CCSER1: variants seen among roughly 807,000 people sequenced by gnomAD.
CCSER1 encodes the protein coiled-coil serine rich protein 1, also known as serine-rich coiled-coil domain-containing protein 1.
Under a neutral mutation model 82.0 loss-of-function variants are expected in CCSER1, and 41 were observed. That is an observed-to-expected ratio of 0.50 (90% CI 0.39 to 0.65). CCSER1 has a LOEUF of 0.65. CCSER1 is among the 30% of genes least tolerant of loss of function. The pLI is 0.00. For synonymous variants in CCSER1, 414 were observed against 383.9 expected, an observed-to-expected ratio of 1.08 and a Z score of -0.92; for missense variants, 1,119 against 1,064.2, an observed-to-expected ratio of 1.05 and a Z score of -0.72.
chr4:90,344,440 G>A (rs747133949), intron 3 of CCSER1, among the ~76,000 whole-genome samples: 3 of 151,464 alleles, frequency 2.0e-5, no homozygotes, highest in Non-Finnish European at 4.4e-5. Flanking sequence ...TTTTTTGACT[G>A]GTTTCTCAGT....
intron 9 of CCSER1, among the ~76,000 whole-genome samples, chr4:90,942,245 G>A (rs192169780): frequency 2.0e-5 from 3 of 152,006 alleles, no homozygotes; most frequent in Non-Finnish European, 4.4e-5. Flanking sequence ...GAGCCACTAC[G>A]CCCAGCTGGG....
At position 91,296,607 on chromosome 4, in the gene CCSER1, A is replaced by G. The variant is rs1390310317; in HGVS notation, c.2217+210613A>G. Among the ~76,000 whole-genome samples the G allele has an allele frequency of 2.0e-5, 3 of 148,870 alleles. No individual in the cohort carries two copies. In the South Asian group the frequency reaches 6.3e-4, roughly 31 times the overall value. On this transcript the variant is annotated intron_variant, in intron 10 of 10. Transcript: ENST00000509176. ...ATATAGTTATGTGTATAATAGTTGA[A>G]TATATAGGTATATATAGTTGTGTGT...
intron 8 of CCSER1, among the ~76,000 whole-genome samples, chr4:90,912,297 G>T (rs1389303701): frequency 6.6e-6 from 1 of 152,198 alleles, no homozygotes; most frequent in East Asian, 1.9e-4. Context: ...GAAACTTTCA[G>T]AGGAACGATC....
chr4:90,251,373 A>G (rs537733358), intron 1 of CCSER1, among the ~76,000 whole-genome samples: 1 of 152,012 alleles, frequency 6.6e-6, no homozygotes, highest in South Asian at 2.1e-4. Context: ...GGATTTTTCT[A>G]CACATCCTTA....
chr4:91,022,930 A>G (rs1740137009), intron 9 of CCSER1, among the ~76,000 whole-genome samples: 1 of 152,118 alleles, frequency 6.6e-6, no homozygotes. Context: ...AGATGAGTAG[A>G]TTGCAAAAAT....
At chr4:90,881,743 T>C (rs947913221) in intron 8 of CCSER1, among the ~76,000 whole-genome samples, 2 of 152,204 alleles carry the variant, frequency 1.3e-5, no homozygotes. Context: ...CAAGATCATA[T>C]TACTGCACTC....
intron 1 of CCSER1, among the ~76,000 whole-genome samples, chr4:90,301,798 T>G (rs555527286): frequency 7.2e-5 from 11 of 152,168 alleles, no homozygotes; most frequent in Admixed American, 5.9e-4. Context: ...ATATACAAGG[T>G]TTGCTAAGGG....
rs77517225 is a variant in CCSER1 at position 90,387,879 on chromosome 4, A to T, written c.1510-12157A>T. Among the ~76,000 whole-genome samples, 356 of 152,262 alleles carry T rather than the reference A, an allele frequency of 2.3e-3. 2 individuals are homozygous for T. The highest frequency in any genetic ancestry group is 8.3e-3 in the African/African-American group (344 of 41,550). On this transcript the variant is annotated intron_variant, in intron 3 of 10. Coordinates refer to ENST00000509176, the MANE Select transcript of CCSER1 (RefSeq NM_001145065.2). Reference sequence around the variant, plus strand: ...CCTCCATAATAAACCATAACCAAAAACATAGCTTTCAGCCAGTTCTGTGAG... The same window carrying T: ...CCTCCATAATAAACCATAACCAAAATCATAGCTTTCAGCCAGTTCTGTGAG...
At chr4:90,215,646 G>A (rs540190003) in intron 1 of CCSER1, among the ~76,000 whole-genome samples, 6 of 152,210 alleles carry the variant, frequency 3.9e-5, no homozygotes, top group Non-Finnish European at 8.8e-5. Context: ...CAGGGCACTA[G>A]TGATCAAATG....
At chr4:91,328,839 A>G (rs1478475522) in intron 10 of CCSER1, among the ~76,000 whole-genome samples, 2 of 152,116 alleles carry the variant, frequency 1.3e-5, no homozygotes, top group Non-Finnish European at 2.9e-5. Context: ...CAAGGATGGG[A>G]CCACGTAGAG....
intron 10 of CCSER1, among the ~76,000 whole-genome samples, chr4:91,434,381 G>T (rs192548879): frequency 2.0e-5 from 3 of 152,018 alleles, no homozygotes; most frequent in African/African-American, 4.8e-5. Flanking sequence ...AAAAGAACAC[G>T]TTCAAAGTTA....
intron 5 of CCSER1, among the ~76,000 whole-genome samples, chr4:90,586,622 C>A (rs1276172352): frequency 6.6e-6 from 1 of 152,124 alleles, no homozygotes; most frequent in Non-Finnish European, 1.5e-5. Context: ...TGAACTATAA[C>A]ATTTGAGATT....
chr4:90,278,043 G>A (rs545988086), intron 1 of CCSER1, among the ~76,000 whole-genome samples: 1 of 152,178 alleles, frequency 6.6e-6, no homozygotes, highest in South Asian at 2.1e-4. Context: ...CTTCTCAAGA[G>A]AAGACTTACA....
chr4:90,584,776 G>T (rs1560762432), intron 5 of CCSER1, among the ~76,000 whole-genome samples: 1 of 151,968 alleles, frequency 6.6e-6, no homozygotes, highest in Admixed American at 6.6e-5. Flanking sequence ...TATGAAGTAC[G>T]TATTTAACCA....
At chr4:91,020,110 C>T (rs1235434614) in intron 9 of CCSER1, among the ~76,000 whole-genome samples, 1 of 151,134 alleles carries the variant, frequency 6.6e-6, no homozygotes, top group Non-Finnish European at 1.5e-5. Flanking sequence ...TAAAAATAGC[C>T]AAGACAAAAA....
At chr4:91,006,457 C>A (rs1738516062) in intron 9 of CCSER1, among the ~76,000 whole-genome samples, 1 of 151,566 alleles carries the variant, frequency 6.6e-6, no homozygotes, top group Non-Finnish European at 1.5e-5. Context: ...TTGGCTCTCA[C>A]CTTTTCTATT....
intron 10 of CCSER1, among the ~76,000 whole-genome samples, chr4:91,493,910 T>C (rs1399330332): frequency 6.6e-6 from 1 of 151,824 alleles, no homozygotes; most frequent in Non-Finnish European, 1.5e-5. Flanking sequence ...AGTTCAATAT[T>C]ATTATATTAT....
intron 8 of CCSER1, among the ~76,000 whole-genome samples, chr4:90,830,244 C>T (rs1184037290): frequency 1.3e-5 from 2 of 152,148 alleles, no homozygotes; most frequent in African/African-American, 2.4e-5. Flanking sequence ...TATGCTATGC[C>T]ATTTACTTGT....
chr4:91,204,156 A>T (rs148428627), intron 10 of CCSER1, among the ~76,000 whole-genome samples: 1 of 151,852 alleles, frequency 6.6e-6, no homozygotes, highest in South Asian at 2.1e-4. Context: ...TATTGTTTTT[A>T]TAAAGCTTAG....
Sources: allele counts gnomAD v4.1 joint callset (sites outside exome capture counted in the v4.1 genomes callset), GRCh38; gene constraint gnomAD v4.1.1; transcripts MANE v1.5; gene names NCBI Gene and HGNC (gene_info 2026-07-23, HGNC 2026-07-21).